ADTRP: variants seen among roughly 807,000 people sequenced by gnomAD.
ADTRP encodes androgen-dependent TFPI-regulating protein.
In ADTRP, 20 loss-of-function variants were observed where a neutral mutation model predicts 27.0. That is an observed-to-expected ratio of 0.74 (90% CI 0.52 to 1.08). The LOEUF (loss-of-function observed/expected upper bound fraction) is 1.08, where lower values mean the gene tolerates loss of function less well. Among genes scored for constraint, ADTRP ranks in the 50% least tolerant of loss-of-function variants. The probability of loss-of-function intolerance (pLI) is 0.00; values close to 1 mark genes in which losing one functional copy is unlikely to be tolerated. For synonymous variants in ADTRP, 101 were observed against 105.2 expected (o/e 0.96, Z 0.25); for missense variants, 251 against 275.0 (o/e 0.91, Z 0.62).
At chr6:11,760,867 T>C (rs1271132870) in intron 3 of ADTRP, among the ~76,000 whole-genome samples, 2 of 152,186 alleles carry the variant, frequency 1.3e-5, no homozygotes, top group African/African-American at 4.8e-5. Context: ...CTTTTTGCCA[T>C]ATGGATTATT....
intron 4 of ADTRP, among the ~76,000 whole-genome samples, chr6:11,726,334 G>C (rs1192427523): frequency 6.6e-6 from 1 of 152,158 alleles, no homozygotes; most frequent in African/African-American, 2.4e-5. Flanking sequence ...GGTGTTGGGA[G>C]GGGGAGCCTA....
At chr6:11,743,994 A>G (rs537091156) in intron 3 of ADTRP, among the ~76,000 whole-genome samples, 1 of 152,182 alleles carries the variant, frequency 6.6e-6, no homozygotes, top group Non-Finnish European at 1.5e-5. Flanking sequence ...TCCAAATCTC[A>G]TGTTGAAATT....
chr6:11,744,746 G>A (rs1393505412), intron 3 of ADTRP, among the ~76,000 whole-genome samples: 2 of 152,182 alleles, frequency 1.3e-5, no homozygotes, highest in African/African-American at 4.8e-5. Context: ...GCAGCTCTCT[G>A]GAAAGCTGCT....
intron 5 of ADTRP, chr6:11,717,193 G>C (rs1761860576): frequency 9.4e-7 from 1 of 1,065,534 alleles, no homozygotes; most frequent in African/African-American, 1.7e-5. Context: ...TTTCCCAGTA[G>C]AAAGTATCCT....
chr6:11,720,224 G>A (rs940179982), intron 5 of ADTRP, among the ~76,000 whole-genome samples: 13 of 152,184 alleles, frequency 8.5e-5, no homozygotes, highest in Admixed American at 3.3e-4. Flanking sequence ...GACAGAATAC[G>A]TGGCTATCTA....
At chr6:11,760,841 A>T (rs9348976) in intron 3 of ADTRP, among the ~76,000 whole-genome samples, 80,792 of 151,990 alleles carry the variant, frequency 0.53, 21,826 homozygotes, top group Admixed American at 0.59. Flanking sequence ...GCTTAGGCTA[A>T]AAATATTTTC....
intron 5 of ADTRP, among the ~76,000 whole-genome samples, chr6:11,720,531 G>A (rs556166184): frequency 3.3e-5 from 5 of 151,438 alleles, no homozygotes; most frequent in African/African-American, 4.9e-5. Flanking sequence ...GAGTGCAGTG[G>A]CGCGATCTCG....
intron 1 of ADTRP, among the ~76,000 whole-genome samples, chr6:11,772,219 C>A (rs1012448617): frequency 6.6e-6 from 1 of 152,152 alleles, no homozygotes; most frequent in African/African-American, 2.4e-5. Flanking sequence ...CTGCGTGTTC[C>A]GTGCCTTTTC....
chr6:11,746,185 T>C (rs966863985), intron 3 of ADTRP, among the ~76,000 whole-genome samples: 2 of 152,088 alleles, frequency 1.3e-5, no homozygotes, highest in Admixed American at 6.5e-5. Flanking sequence ...TCCAGTAGCA[T>C]AGTAAATTTA....
Position 11,735,561 on chromosome 6 carries a change from T to C in ADTRP, c.506+7A>G. ...GCCTAAGTTGACTTTCTCCATGTAA[T>C]TCTTACCGGCTGATGTAAGCAATGC... On this transcript the variant is annotated splice_region_variant and intron_variant, in intron 4 of 5. Transcript: ENST00000414691. 1 of 1,604,066 alleles carries C rather than the reference T, an allele frequency of 6.2e-7. No homozygotes were observed. The highest frequency in any genetic ancestry group is 8.5e-7 in the Non-Finnish European group (1 of 1,171,312).
At position 11,720,657 on chromosome 6, in the gene ADTRP, G is replaced by A. The variant is rs375420871; in HGVS notation, c.658+2692C>T. ...CGGCTAATTTTTTGTATTTTTAGTA[G>A]AGACGGGGTTTCACTGTGTTAGCCA... is the stretch of plus-strand genomic sequence containing the variant. On this transcript the variant is annotated intron_variant, in intron 5 of 5. Transcript: ENST00000414691. 9.1e-4 allele frequency among the ~76,000 whole-genome samples: 139 copies of A among 152,228 alleles called. 1 individual carries two copies. The highest frequency in any genetic ancestry group is 3.2e-3 in the African/African-American group (133 of 41,542).
At chr6:11,773,318 T>C (rs1353358644) in intron 1 of ADTRP, among the ~76,000 whole-genome samples, 2 of 152,214 alleles carry the variant, frequency 1.3e-5, no homozygotes, top group Non-Finnish European at 2.9e-5. Flanking sequence ...TGGGAAACAA[T>C]CTGAGATTCT....
intron 5 of ADTRP, among the ~76,000 whole-genome samples, chr6:11,718,522 C>A (rs1761907897): frequency 6.6e-6 from 1 of 152,212 alleles, no homozygotes; most frequent in Admixed American, 6.5e-5. Context: ...CTCTTGCCCC[C>A]AGTCAATGTG....
chr6:11,769,324 G>C (rs1443423842), intron 1 of ADTRP, among the ~76,000 whole-genome samples: 3 of 152,146 alleles, frequency 2.0e-5, no homozygotes, highest in Non-Finnish European at 4.4e-5. Context: ...TGGGGAGCTG[G>C]GCTGGGGATT....
chr6:11,768,962 C>A (rs980273795), intron 1 of ADTRP, among the ~76,000 whole-genome samples: 1 of 152,076 alleles, frequency 6.6e-6, no homozygotes, highest in Non-Finnish European at 1.5e-5. Context: ...CAGGCCTCAC[C>A]GAGACAATCT....
At chr6:11,773,235 G>C (rs1316278138) in intron 1 of ADTRP, among the ~76,000 whole-genome samples, 2 of 152,140 alleles carry the variant, frequency 1.3e-5, no homozygotes, top group Non-Finnish European at 2.9e-5. Flanking sequence ...TGAGGAGAAG[G>C]GGGAGGAGGA....
intron 4 of ADTRP, among the ~76,000 whole-genome samples, chr6:11,734,467 C>G (rs181100560): frequency 1.3e-5 from 2 of 152,120 alleles, no homozygotes; most frequent in Non-Finnish European, 2.9e-5. Context: ...ATATAGAGCA[C>G]TGGAGTCTGG....
chr6:11,743,331 T>A (rs1258541634), intron 3 of ADTRP, among the ~76,000 whole-genome samples: 1 of 152,258 alleles, frequency 6.6e-6, no homozygotes, highest in Admixed American at 6.5e-5. Flanking sequence ...TTGTCCACTG[T>A]AGGATCGAGT....
intron 1 of ADTRP, among the ~76,000 whole-genome samples, chr6:11,774,797 C>CT (rs1763899930): frequency 6.6e-6 from 1 of 152,186 alleles, no homozygotes; most frequent in African/African-American, 2.4e-5. Flanking sequence ...GAGCCTTGCC[C>CT]TAAACCCCCT....
Sources: gnomAD v4.1 joint callset for allele counts (sites outside exome capture counted in the v4.1 genomes callset) on GRCh38, gnomAD v4.1.1 for gene constraint, MANE v1.5 for transcripts, NCBI Gene and HGNC (gene_info 2026-07-23, HGNC 2026-07-21) for gene names.